The following SORCS2 variants were observed in gnomAD, a reference collection of about 807,000 sequenced individuals.
SORCS2 encodes VPS10 domain-containing receptor SorCS2.
In SORCS2, 100 loss-of-function variants were observed where a neutral mutation model predicts 141.6. That is an observed-to-expected ratio of 0.71 (90% confidence interval 0.60 to 0.83). The LOEUF (loss-of-function observed/expected upper bound fraction) is 0.83, where lower values mean the gene tolerates loss of function less well. SORCS2 is among the 40% of genes least tolerant of loss of function. The probability of loss-of-function intolerance (pLI) is 0.00; values close to 1 mark genes in which losing one functional copy is unlikely to be tolerated. For missense variants in SORCS2, 1,646 were observed against 1,560.2 expected, an observed-to-expected ratio of 1.05 and a Z score of -0.93; for synonymous variants, 789 against 676.9, an observed-to-expected ratio of 1.17 and a Z score of -2.57.
At chr4:7,687,303 C>A (rs1011950034) in intron 10 of SORCS2, among the ~76,000 whole-genome samples, 5 of 152,302 alleles carry the variant, frequency 3.3e-5, no homozygotes, top group Admixed American at 3.3e-4. Flanking sequence ...ATCACAGCAG[C>A]CTCCCTCCTC....
chr4:7,198,778 C>CA lies in SORCS2; in HGVS notation c.480+5653dup, dbSNP rs1218526231. ...TGGGCCTGGCAGCTGGATGAAGAACCATGAGGGAGCCGGGGACTCTGTGTG... is the reference window on the plus strand; with the variant it reads ...TGGGCCTGGCAGCTGGATGAAGAACCAATGAGGGAGCCGGGGACTCTGTGTG... On this transcript the variant is annotated intron_variant, in intron 1 of 26. Coordinates refer to ENST00000507866, the MANE Select transcript of SORCS2 (RefSeq NM_020777.3). 6.6e-5 allele frequency among the ~76,000 whole-genome samples: 10 copies of CA among 152,276 alleles called. No homozygotes were observed. The East Asian group carries it at 1.9e-3, about 29-fold the overall frequency.
intron 3 of SORCS2, among the ~76,000 whole-genome samples, chr4:7,607,403 G>T (rs1006993406): frequency 1.3e-5 from 2 of 152,008 alleles, no homozygotes; most frequent in Non-Finnish European, 2.9e-5. Flanking sequence ...AGCCTGCCCC[G>T]CCACCTTCCA....
At chr4:7,483,726 C>A (rs1730800020) in intron 2 of SORCS2, among the ~76,000 whole-genome samples, 1 of 151,698 alleles carries the variant, frequency 6.6e-6, no homozygotes, top group Admixed American at 6.6e-5. Flanking sequence ...GAAACTGAGG[C>A]CAAAAGAATT....
At chr4:7,379,592 G>A (rs767767042) in intron 1 of SORCS2, among the ~76,000 whole-genome samples, 37 of 152,170 alleles carry the variant, frequency 2.4e-4, no homozygotes, top group Non-Finnish European at 3.1e-4. Context: ...ATAGACACGC[G>A]GATACTATGG....
intron 12 of SORCS2, among the ~76,000 whole-genome samples, chr4:7,702,489 G>C (rs1424078716): frequency 6.6e-6 from 1 of 152,222 alleles, no homozygotes; most frequent in Non-Finnish European, 1.5e-5. Flanking sequence ...GCCTCCTCAT[G>C]TGTACAATGG....
intron 3 of SORCS2, among the ~76,000 whole-genome samples, chr4:7,628,389 G>T (rs1263654686): frequency 6.6e-6 from 1 of 152,052 alleles, no homozygotes; most frequent in Non-Finnish European, 1.5e-5. Flanking sequence ...CGTGGTGGCG[G>T]GCGCCTGTAG....
At chr4:7,475,349 C>G (rs1490434716) in intron 2 of SORCS2, among the ~76,000 whole-genome samples, 1 of 152,142 alleles carries the variant, frequency 6.6e-6, no homozygotes, top group Non-Finnish European at 1.5e-5. Flanking sequence ...ACACCTGCCA[C>G]AAGGGTGAGG....
At chr4:7,257,001 C>G (rs1000865516) in intron 1 of SORCS2, among the ~76,000 whole-genome samples, 2 of 152,134 alleles carry the variant, frequency 1.3e-5, no homozygotes, top group African/African-American at 4.8e-5. Flanking sequence ...CCTGGGCATT[C>G]ACTGGTGATT....
chr4:7,305,141 C>A lies in SORCS2; in HGVS notation c.481-91147C>A, dbSNP rs145437751. On this transcript the variant is annotated intron_variant, in intron 1 of 26. Coordinates refer to ENST00000507866, the MANE Select transcript of SORCS2 (RefSeq NM_020777.3). ...CCGCCTCCCGGGTTCGTGCCATTCT[C>A]CTGCCTCAGCCTCCCGAGTAGCTGG... 5.6e-3 allele frequency among the ~76,000 whole-genome samples: 847 copies of A among 151,988 alleles called. 15 individuals carry two copies. The highest frequency in any genetic ancestry group is 0.019 in the African/African-American group (796 of 41,458).
At chr4:7,506,572 A>G (rs953107700) in intron 2 of SORCS2, among the ~76,000 whole-genome samples, 2 of 152,186 alleles carry the variant, frequency 1.3e-5, no homozygotes, top group Admixed American at 6.5e-5. Flanking sequence ...GGAACCCGTA[A>G]GTCACAAACT....
chr4:7,564,248 C>G (rs1056364682), intron 3 of SORCS2, among the ~76,000 whole-genome samples: 1 of 152,236 alleles, frequency 6.6e-6, no homozygotes, highest in Non-Finnish European at 1.5e-5. Flanking sequence ...TTCATATTCT[C>G]TCTACTTCTC....
At chr4:7,484,608 G>A (rs1358703578) in intron 2 of SORCS2, among the ~76,000 whole-genome samples, 1 of 152,138 alleles carries the variant, frequency 6.6e-6, no homozygotes, top group Non-Finnish European at 1.5e-5. Context: ...TGCACCTGGG[G>A]AGCTCTGCAA....
intron 1 of SORCS2, among the ~76,000 whole-genome samples, chr4:7,229,232 C>T (rs770231738): frequency 1.2e-4 from 19 of 152,230 alleles, no homozygotes; most frequent in Non-Finnish European, 2.1e-4. Flanking sequence ...TTTCCTCCCC[C>T]AGAACATCTC....
intron 1 of SORCS2, among the ~76,000 whole-genome samples, chr4:7,228,441 G>C (rs1711571541): frequency 6.6e-6 from 1 of 152,228 alleles, no homozygotes; most frequent in Non-Finnish European, 1.5e-5. Context: ...ATCTCAGCAA[G>C]GGTGGATGAG....
chr4:7,715,792 C>T (rs1726148591), intron 17 of SORCS2, among the ~76,000 whole-genome samples: 2 of 152,216 alleles, frequency 1.3e-5, no homozygotes, highest in Non-Finnish European at 2.9e-5. Flanking sequence ...GCTCCTGCTG[C>T]CTGCAGGTCT....
intron 3 of SORCS2, among the ~76,000 whole-genome samples, chr4:7,564,866 CT>C (rs981009938): frequency 1.3e-5 from 2 of 151,996 alleles, no homozygotes; most frequent in Non-Finnish European, 2.9e-5. Flanking sequence ...AGCTGTCTGG[CT>C]TTTTTTTGTC....
chr4:7,442,439 C>T (rs180958549), intron 2 of SORCS2, among the ~76,000 whole-genome samples: 99 of 440 alleles, frequency 0.23, no homozygotes, highest in East Asian at 0.42. Flanking sequence ...ACCCCCTCCC[C>T]CAGCCCAGAT....
Position 7,737,259 on chromosome 4 carries a change from C to T in SORCS2, c.3415+87C>T, listed in dbSNP as rs777935713. On this transcript the variant is annotated intron_variant, in intron 26 of 26. Transcript: ENST00000507866. ...CACCCCGCCCTCCCACAGGCCACCC[C>T]GCTGGGCCGCTGGGGCCAGCAAAAC... is the stretch of plus-strand genomic sequence containing the variant. The T allele has an allele frequency of 1.6e-5, 24 of 1,519,900 alleles. No homozygotes were observed. The Middle Eastern group carries it at 7.2e-4, about 45-fold the overall frequency. 94.2% of individuals were successfully genotyped at this position (1,519,900 alleles called of 1,614,324 possible). A position where few individuals can be genotyped will look rare whatever the true frequency, so the allele number is the denominator to read the frequency against.
rs1202582572 is a variant in SORCS2, at chr4:7,370,331, A to G, written c.481-25957A>G. On this transcript the variant is annotated intron_variant, in intron 1 of 26. Coordinates refer to ENST00000507866, the MANE Select transcript of SORCS2 (RefSeq NM_020777.3). ...TGAGCCCGGACGGGGGCAGAGGCAGAGGAGATCTGGGCCCCTGGGCTACCT... is the reference window on the plus strand; with the variant it reads ...TGAGCCCGGACGGGGGCAGAGGCAGGGGAGATCTGGGCCCCTGGGCTACCT... Among the ~76,000 whole-genome samples, 4 of 152,162 alleles carry G rather than the reference A, an allele frequency of 2.6e-5. No individual in the cohort carries two copies. In the East Asian group the frequency reaches 7.7e-4, roughly 29 times the overall value.
Sources: allele counts gnomAD v4.1 joint callset (sites outside exome capture counted in the v4.1 genomes callset), GRCh38; gene constraint gnomAD v4.1.1; transcripts MANE v1.5; gene names NCBI Gene and HGNC (gene_info 2026-07-23, HGNC 2026-07-21).